Variants in TMEM167A observed in about 807,000 individuals in gnomAD.
The protein encoded by TMEM167A is protein kish-A.
TMEM167A carries 8 observed loss-of-function variants against 11.6 expected under a neutral mutation model. That is an observed-to-expected ratio of 0.69 (90% CI 0.40 to 1.24). TMEM167A has a LOEUF of 1.24. TMEM167A is among the 50% of genes most tolerant of loss of function. TMEM167A has a pLI of 0.01. For missense variants in TMEM167A, 62 were observed against 87.0 expected, an observed-to-expected ratio of 0.71 and a Z score of 1.14; for synonymous variants, 22 against 28.0, an observed-to-expected ratio of 0.79 and a Z score of 0.67.
intron 1 of TMEM167A, among the ~76,000 whole-genome samples, chr5:83,076,737 C>T (rs376156100): frequency 2.6e-5 from 4 of 152,330 alleles, no homozygotes; most frequent in Non-Finnish European, 4.4e-5. Flanking sequence ...AGGCTAGACA[C>T]CACTCCAATA....
At position 83,065,031 on chromosome 5, in the gene TMEM167A, G is replaced by A. The variant is rs746494762; in HGVS notation, c.90C>T (p.Ser30=). ...TCAYIRSLAP[S]LLDRNKTGLL... is the part of the protein sequence containing the mutation. ...ACCCAGTTTTATTTCTGTCCAGGAG[G>A]CTGGGTGCCAAGGATCGAATATAAG... Residue 30 remains serine, a synonymous_variant, in exon 2 of 4, where the codon AGC becomes AGT. Transcript: ENST00000502346. 1 of 1,605,218 alleles carries A rather than the reference G, an allele frequency of 6.2e-7. No individual in the cohort carries two copies. The highest frequency in any genetic ancestry group is 1.3e-5 in the African/African-American group (1 of 74,496).
At position 83,053,057 on chromosome 5, in the gene TMEM167A, C is replaced by G. The variant is rs539298290; in HGVS notation, c.*4027G>C. 2 of 151,914 alleles carry G rather than the reference C, an allele frequency of 1.3e-5. No homozygotes were observed. The highest frequency in any genetic ancestry group is 4.8e-5 in the African/African-American group (2 of 41,498). The allele number at this position is 151,914 out of a possible 1,614,324, so 9.4% of individuals were successfully genotyped here. ...TGTATAAATAACATTAATTATGAAG[C>G]TACTTTTCAGAAGCTAGTAGTAACT... On this transcript the variant is annotated 3_prime_UTR_variant, in exon 4 of 4. Transcript: ENST00000502346.
At chr5:83,067,036 C>A (rs1049029413) in intron 1 of TMEM167A, among the ~76,000 whole-genome samples, 3 of 152,072 alleles carry the variant, frequency 2.0e-5, no homozygotes, top group African/African-American at 4.8e-5. Context: ...TTTTCTTAAC[C>A]AATTACCCAA....
chr5:83,063,212 T>C (rs1744431449), intron 2 of TMEM167A, among the ~76,000 whole-genome samples: 1 of 152,128 alleles, frequency 6.6e-6, no homozygotes, highest in Admixed American at 6.5e-5. Flanking sequence ...AATTAAATCC[T>C]ACTCACTGGT....
intron 1 of TMEM167A, among the ~76,000 whole-genome samples, chr5:83,077,043 A>G (rs1744688091): frequency 6.6e-6 from 1 of 152,236 alleles, no homozygotes; most frequent in Non-Finnish European, 1.5e-5. Context: ...ACCACACATA[A>G]TCTACGTAGC....
intron 3 of TMEM167A, among the ~76,000 whole-genome samples, chr5:83,058,644 T>A (rs1744366115): frequency 6.6e-6 from 1 of 152,100 alleles, no homozygotes; most frequent in Non-Finnish European, 1.5e-5. Flanking sequence ...TAGAGTCTTA[T>A]TAAATACTTA....
intron 1 of TMEM167A, 138 bp downstream of exon 1, chr5:83,077,183 C>G (rs1300527435): frequency 3.2e-6 from 4 of 1,262,052 alleles, no homozygotes; most frequent in African/African-American, 1.5e-5. Context: ...TCTGGTTGGC[C>G]GTGGAGGGAC....
chr5:83,067,001 C>T (rs1456132266), intron 1 of TMEM167A, among the ~76,000 whole-genome samples: 3 of 152,150 alleles, frequency 2.0e-5, no homozygotes, highest in Non-Finnish European at 4.4e-5. Context: ...TCTTAGCCTG[C>T]ACAACTGAGA....
chr5:83,070,060 G>A (rs573815961), intron 1 of TMEM167A, among the ~76,000 whole-genome samples: 3 of 152,218 alleles, frequency 2.0e-5, no homozygotes, highest in African/African-American at 7.2e-5. Context: ...AGGCTGTAGG[G>A]TAAAATAAAG....
At chr5:83,061,065 A>G (rs1344898695) in intron 3 of TMEM167A, among the ~76,000 whole-genome samples, 1 of 152,196 alleles carries the variant, frequency 6.6e-6, no homozygotes. Context: ...TTGGCCTTTT[A>G]GCTAAGATCA....
rs1274223129 is a variant in TMEM167A, at chr5:83,054,205, A to C, written c.*2879T>G. The C allele has an allele frequency of 6.6e-6, 1 of 151,994 alleles. No homozygotes were observed. Among genetic ancestry groups the C allele is most frequent in the East Asian group, 1.9e-4 (1 of 5,188 alleles). 9.4% of individuals were successfully genotyped at this position (151,994 alleles called of 1,614,324 possible). The stretch of plus-strand genomic sequence containing the variant: ...GAGCGATTTTGAACCTGAACATATA[A>C]AAGCATTCAAGATAGTGTCTGGCAC... On this transcript the variant is annotated 3_prime_UTR_variant, in exon 4 of 4. Transcript: ENST00000502346.
intron 1 of TMEM167A, among the ~76,000 whole-genome samples, chr5:83,072,276 A>G (rs1483720518): frequency 6.6e-6 from 1 of 152,226 alleles, no homozygotes; most frequent in East Asian, 1.9e-4. Context: ...AGAGTGAAAA[A>G]AAATTAGAAT....
rs2112236315 is a variant in TMEM167A at position 83,055,756 on chromosome 5, T to C, written c.*1328A>G. 1 of 151,724 alleles carries C rather than the reference T, an allele frequency of 6.6e-6. No individual in the cohort carries two copies. The highest frequency in any genetic ancestry group is 2.4e-5 in the African/African-American group (1 of 41,386). The allele number at this position is 151,724 out of a possible 1,614,324, so 9.4% of individuals were successfully genotyped here. ...TAAAAATAGGTGGCTTTCAGTTCCATACGTTGTTTCTGCAGAAATAACTAC... is the reference window on the plus strand; with the variant it reads ...TAAAAATAGGTGGCTTTCAGTTCCACACGTTGTTTCTGCAGAAATAACTAC... On this transcript the variant is annotated 3_prime_UTR_variant, in exon 4 of 4. Transcript: ENST00000502346.
chr5:83,076,999 A>G (rs1744686087), intron 1 of TMEM167A, among the ~76,000 whole-genome samples: 1 of 152,190 alleles, frequency 6.6e-6, no homozygotes. Flanking sequence ...ACAAGCGGAA[A>G]CTCGAGAAGC....
At chr5:83,061,657 AG>A (rs111248322) in intron 3 of TMEM167A, among the ~76,000 whole-genome samples, 397 of 152,310 alleles carry the variant, frequency 2.6e-3, no homozygotes, top group African/African-American at 8.8e-3. Context: ...GGCCTCAAAA[AG>A]TGCTGGGACT....
At chr5:83,077,285 G>C (rs1436659769) in intron 1 of TMEM167A, 36 bp downstream of exon 1, 1 of 1,614,158 alleles carries the variant, frequency 6.2e-7, no homozygotes, top group African/African-American at 1.3e-5. Flanking sequence ...ACCCCTTCTC[G>C]AAGATCAACC....
Position 83,064,780 on chromosome 5 carries a change from C to T in TMEM167A, c.113+228G>A, listed in dbSNP as rs370541633. On this transcript the variant is annotated intron_variant, in intron 2 of 3. Transcript: ENST00000502346. ...CCTTCAGTAGGTTAAATCCCTCATG[C>T]GATTTTTTACTCTTAACACATTTTA... 3.9e-4 allele frequency among the ~76,000 whole-genome samples: 59 copies of T among 152,096 alleles called. No individual in the cohort carries two copies. The Middle Eastern group carries it at 0.014, about 35-fold the overall frequency.
In TMEM167A at chr5:83,053,551, G is replaced by A. The variant is rs1034327213; in HGVS notation, c.*3533C>T. ...ACACCAAGGAAGAATTTAAATTTCT[G>A]CCCTTGAGTAGTTTTGTGTTAGGCA... On this transcript the variant is annotated 3_prime_UTR_variant, in exon 4 of 4. Coordinates refer to ENST00000502346, the MANE Select transcript of TMEM167A (RefSeq NM_174909.5). 4.0e-5 allele frequency: 6 copies of A among 151,898 alleles called. No homozygotes were observed. The highest frequency in any genetic ancestry group is 1.4e-4 in the African/African-American group (6 of 41,386). The allele number at this position is 151,898 out of a possible 1,614,324, so 9.4% of individuals were successfully genotyped here.
At chr5:83,075,534 C>T (rs369954303) in intron 1 of TMEM167A, among the ~76,000 whole-genome samples, 67 of 152,062 alleles carry the variant, frequency 4.4e-4, no homozygotes, top group Non-Finnish European at 8.2e-4. Flanking sequence ...ATCACGAGGT[C>T]AAGAGATCGA....
Sources: allele counts gnomAD v4.1 joint callset (sites outside exome capture counted in the v4.1 genomes callset), GRCh38; gene constraint gnomAD v4.1.1; transcripts MANE v1.5; gene names NCBI Gene and HGNC (gene_info 2026-07-23, HGNC 2026-07-21).